The following EPB41L3 variants were observed in gnomAD, a reference collection of about 807,000 sequenced individuals.
EPB41L3 encodes the protein erythrocyte membrane protein band 4.1 like 3.
A neutral mutation model predicts 127.1 loss-of-function variants in EPB41L3; 57 were observed. The observed-to-expected ratio is 0.45, with a 90% CI of 0.36 to 0.56. The LOEUF is 0.56. Among genes scored for constraint, EPB41L3 ranks in the 20% least tolerant of loss-of-function variants. EPB41L3 has a pLI of 0.00. For synonymous variants in EPB41L3, 572 were observed against 549.5 expected, an observed-to-expected ratio of 1.04 and a Z score of -0.57; for missense variants, 1,273 against 1,372.2, an observed-to-expected ratio of 0.93 and a Z score of 1.14.
intron 1 of EPB41L3, among the ~76,000 whole-genome samples, chr18:5,624,734 G>T (rs542265746): frequency 6.6e-6 from 1 of 152,150 alleles, no homozygotes; most frequent in South Asian, 2.1e-4. Flanking sequence ...CCCCCACTCC[G>T]GACAAAACTT....
At chr18:5,519,401 T>C (rs773450155) in intron 1 of EPB41L3, among the ~76,000 whole-genome samples, 13 of 152,212 alleles carry the variant, frequency 8.5e-5, no homozygotes, top group Admixed American at 3.9e-4. Context: ...TCCGGATTGC[T>C]TCCTATTTTT....
intron 3 of EPB41L3, among the ~76,000 whole-genome samples, chr18:5,477,347 G>T (rs1265043103): frequency 6.6e-6 from 1 of 152,178 alleles, no homozygotes; most frequent in East Asian, 1.9e-4. Flanking sequence ...GGAAAGGGTG[G>T]ACTCTGAAAG....
At chr18:5,608,337 C>T (rs981704252) in intron 3 of EPB41L3, among the ~76,000 whole-genome samples, 9 of 151,948 alleles carry the variant, frequency 5.9e-5, no homozygotes, top group Non-Finnish European at 8.8e-5. Context: ...CAGCTAGCAA[C>T]GTATACATGC....
upstream of EPB41L3, among the ~76,000 whole-genome samples, chr18:5,548,631 C>T (rs1397254382): frequency 6.6e-6 from 1 of 151,794 alleles, no homozygotes; most frequent in Non-Finnish European, 1.5e-5. Context: ...TTACTTTCTC[C>T]ATTTCCAGTA....
At chr18:5,580,518 T>C (rs965833877) in intron 3 of EPB41L3, among the ~76,000 whole-genome samples, 3 of 152,134 alleles carry the variant, frequency 2.0e-5, no homozygotes, top group Non-Finnish European at 4.4e-5. Context: ...ATATACATAT[T>C]CACATGCAAA....
chr18:5,563,780 A>G (rs771897045), intron 3 of EPB41L3, among the ~76,000 whole-genome samples: 1 of 152,182 alleles, frequency 6.6e-6, no homozygotes, highest in African/African-American at 2.4e-5. Flanking sequence ...GAAAGAGTAC[A>G]AGATAAATGA....
chr18:5,537,857 A>T (rs1382838064), intron 1 of EPB41L3, among the ~76,000 whole-genome samples: 1 of 152,202 alleles, frequency 6.6e-6, no homozygotes, highest in Non-Finnish European at 1.5e-5. Flanking sequence ...TTTTCCCTAT[A>T]AAAGGATCCT....
At chr18:5,540,258 AC>A in intron 1 of EPB41L3, 1 of 768,280 alleles carries the variant, frequency 1.3e-6, no homozygotes, top group African/African-American at 1.9e-5. Context: ...CAAACAAAAA[AC>A]GTCTCCTTCC....
chr18:5,444,846 A>G (rs1019470975), intron 4 of EPB41L3, among the ~76,000 whole-genome samples: 5 of 152,004 alleles, frequency 3.3e-5, no homozygotes, highest in South Asian at 2.1e-4. Flanking sequence ...ACTCCCCCCA[A>G]CCCCACCCCG....
At chr18:5,624,861 G>A (rs1319217707) in intron 1 of EPB41L3, among the ~76,000 whole-genome samples, 1 of 152,180 alleles carries the variant, frequency 6.6e-6, no homozygotes, top group Admixed American at 6.5e-5. Context: ...GCTACAGAAG[G>A]AAAGATGAGA....
At chr18:5,618,979 T>C (rs897032562) in intron 1 of EPB41L3, among the ~76,000 whole-genome samples, 1 of 152,210 alleles carries the variant, frequency 6.6e-6, no homozygotes, top group Non-Finnish European at 1.5e-5. Context: ...ATAAGATATG[T>C]TTAAAATATT....
In EPB41L3 at chr18:5,406,824, C is replaced by A. The variant is rs558098862; in HGVS notation, c.2302G>T (p.Ala768Ser). 6 of 1,614,178 alleles carry A rather than the reference C, an allele frequency of 3.7e-6. No homozygotes were observed. The South Asian group carries it at 5.5e-5, about 15-fold the overall frequency. ...RLSTSPVRLAARQEDAPMIEP... is the reference protein window; with the variant it reads ...RLSTSPVRLASRQEDAPMIEP... ...ATCATGGGGGCATCCTCCTGCCTGGCGGCCAGTCGCACGGGGGAGGTGGAA... is the reference window on the plus strand; with the variant it reads ...ATCATGGGGGCATCCTCCTGCCTGGAGGCCAGTCGCACGGGGGAGGTGGAA... The change falls in exon 16 of 23, where the codon GCC becomes TCC. Residue 768 changes from alanine (A) to serine (S), a missense_variant. Ala to Ser is a moderately conservative substitution (Grantham distance 99). This residue lies in a region of EPB41L3 where 765 missense variants were observed against 782.9 expected (regional missense o/e 0.98). Transcript: ENST00000341928.
At chr18:5,509,168 T>G (rs958301536) in intron 1 of EPB41L3, among the ~76,000 whole-genome samples, 5 of 152,212 alleles carry the variant, frequency 3.3e-5, no homozygotes, top group African/African-American at 1.2e-4. Flanking sequence ...AGAGCTCCTT[T>G]CAGGATTTCT....
rs182341842 is a variant in EPB41L3 at position 5,449,463 on chromosome 18, T to C, written c.382-4219A>G. ...AACCTATTCTTGCAGTATTCAACAATCATGCTCCTTGGTATCTACCTAAAT... is the reference window on the plus strand; with the variant it reads ...AACCTATTCTTGCAGTATTCAACAACCATGCTCCTTGGTATCTACCTAAAT... On this transcript the variant is annotated intron_variant, in intron 3 of 22. Coordinates refer to ENST00000341928, the MANE Select transcript of EPB41L3 (RefSeq NM_012307.5). 7.8e-3 allele frequency among the ~76,000 whole-genome samples: 1,160 copies of C among 147,946 alleles called. 13 individuals are homozygous for C. Among genetic ancestry groups the C allele is most frequent in the African/African-American group, 0.026 (1,058 of 40,460 alleles).
intron 3 of EPB41L3, 83 bp downstream of exon 3, chr18:5,478,158 T>C (rs2087630202): frequency 2.4e-6 from 3 of 1,252,762 alleles, no homozygotes; most frequent in Admixed American, 2.2e-5. Flanking sequence ...CCTAGAAAAA[T>C]AAAGAGGCAT....
intron 2 of EPB41L3, among the ~76,000 whole-genome samples, chr18:5,487,030 G>A (rs9960776): frequency 0.035 from 5,389 of 152,278 alleles, 178 homozygotes; most frequent in African/African-American, 0.087. Flanking sequence ...GCACTCCAGT[G>A]TTTACTGCAG....
chr18:5,395,134 C>A lies in EPB41L3; in HGVS notation c.3086G>T (p.Gly1029Val), dbSNP rs1156862058. 6.2e-7 allele frequency: 1 copy of A among 1,613,986 alleles called. No homozygotes were observed. The highest frequency in any genetic ancestry group is 8.5e-7 in the Non-Finnish European group (1 of 1,179,880). The change falls in exon 21 of 23, where the codon GGC becomes GTC. Residue 1029 changes from glycine to valine, a missense_variant. Transcript: ENST00000341928. ...CTTCTCAATTCTTGTCTCTGAAATG[C>A]CCCCTTTCACAGTCTGCAAGACACG... Reference protein sequence around the residue: ...TTHITKTVKGGISETRIEKRI... With the variant: ...TTHITKTVKGVISETRIEKRI...
chr18:5,435,665 C>T (rs1431529375), intron 6 of EPB41L3, among the ~76,000 whole-genome samples: 1 of 152,170 alleles, frequency 6.6e-6, no homozygotes, highest in Non-Finnish European at 1.5e-5. Context: ...AGATGCATTT[C>T]TCAGAATGTA....
chr18:5,485,714 G>C (rs544058511), intron 2 of EPB41L3, among the ~76,000 whole-genome samples: 1 of 151,998 alleles, frequency 6.6e-6, no homozygotes, highest in Admixed American at 6.5e-5. Flanking sequence ...ATCTGAAAAA[G>C]ATATCAAGAA....
Sources: gnomAD v4.1 joint callset for allele counts (sites outside exome capture counted in the v4.1 genomes callset) on GRCh38, gnomAD v4.1.1 for gene constraint, gnomAD v4.1.1 regional missense constraint, MANE v1.5 for transcripts, NCBI Gene and HGNC (gene_info 2026-07-23, HGNC 2026-07-21) for gene names.